The following LAYN variants were observed in gnomAD, a reference collection of about 807,000 sequenced individuals.
LAYN encodes the protein layilin.
Under a neutral mutation model 43.6 loss-of-function variants are expected in LAYN, and 38 were observed. The ratio of observed to expected loss-of-function variants is 0.87; its 90% CI spans 0.67 to 1.14. The LOEUF is 1.14. LAYN is among the 50% of genes most tolerant of loss of function. The pLI, the probability that LAYN is intolerant of heterozygous loss-of-function variation, is 0.00. For missense variants in LAYN, 479 were observed against 463.8 expected (o/e 1.03, Z -0.30); for synonymous variants, 168 against 172.9 (o/e 0.97, Z 0.22).
chr11:111,540,335 G>A (rs1867505302), upstream of LAYN: 1 of 161,922 alleles, frequency 6.2e-6, no homozygotes, highest in Non-Finnish European at 1.3e-5. Flanking sequence ...TGAGCCCCAG[G>A]TAGGAGTCCA....
chr11:111,540,823 G>C lies in LAYN; in HGVS notation c.-21G>C. 1.3e-6 allele frequency: 2 copies of C among 1,519,812 alleles called. No individual in the cohort carries two copies. Among genetic ancestry groups the C allele is most frequent in the South Asian group, 1.2e-5 (1 of 82,498 alleles). The allele number at this position is 1,519,812 out of a possible 1,614,324, so 94.1% of individuals were successfully genotyped here. On this transcript the variant is annotated 5_prime_UTR_variant, in exon 1 of 7. Coordinates refer to ENST00000375614, the MANE Select transcript of LAYN (RefSeq NM_178834.5). ...CACCGCCGTAGCGCCCGAGTGTCGG[G>C]GGGCGCACCCGAGTCGGGCCATGAG... is the stretch of plus-strand genomic sequence containing the variant.
At chr11:111,559,820 C>T (rs1011796995) in intron 6 of LAYN, among the ~76,000 whole-genome samples, 3 of 151,888 alleles carry the variant, frequency 2.0e-5, no homozygotes, top group African/African-American at 7.3e-5. Context: ...CTATTCAGTT[C>T]TATCCCTGGA....
chr11:111,553,592 C>G (rs1314288009), intron 3 of LAYN, among the ~76,000 whole-genome samples: 1 of 149,674 alleles, frequency 6.7e-6, no homozygotes, highest in African/African-American at 2.5e-5. Context: ...GAACTCCAGC[C>G]TGGGTGACAG....
Position 111,549,670 on chromosome 11 carries a change from T to C in LAYN, c.436T>C (p.Tyr146His). The C allele has an allele frequency of 6.2e-7, 1 of 1,603,126 alleles. No homozygotes were observed. Among genetic ancestry groups the C allele is most frequent in the Non-Finnish European group, 8.5e-7 (1 of 1,175,798 alleles). Residue 146 changes from tyrosine to histidine, a missense_variant, in exon 3 of 7, where the codon TAC (tyrosine) becomes CAC (histidine). Physicochemically the swap from Tyr to His is moderately conservative, Grantham distance 83 (BLOSUM62 2). Coordinates refer to ENST00000375614, the MANE Select transcript of LAYN (RefSeq NM_178834.5). ...SCGSEVCVVM[Y>H]HQPSAPAGIG... Reference sequence around the variant, plus strand: ...CGGCAGCGAGGTCTGCGTGGTCATGTACCATCAGCCATCGGCACCCGCTGG... The same window carrying C: ...CGGCAGCGAGGTCTGCGTGGTCATGCACCATCAGCCATCGGCACCCGCTGG...
chr11:111,553,634 A>AG (rs1201463878), intron 3 of LAYN, among the ~76,000 whole-genome samples: 1 of 150,996 alleles, frequency 6.6e-6, no homozygotes, highest in Admixed American at 6.6e-5. Context: ...AAAAAAAAAA[A>AG]ACAACACTTA....
At chr11:111,546,355 C>G (rs1382904685) in intron 2 of LAYN, among the ~76,000 whole-genome samples, 1 of 152,150 alleles carries the variant, frequency 6.6e-6, no homozygotes. Flanking sequence ...ATAATCTAAT[C>G]TCCAATAATT....
At chr11:111,547,494 A>G (rs974348147) in intron 2 of LAYN, among the ~76,000 whole-genome samples, 1 of 152,222 alleles carries the variant, frequency 6.6e-6, no homozygotes, top group Admixed American at 6.5e-5. Context: ...CAAGACCATA[A>G]GTATATACTG....
intron 3 of LAYN, among the ~76,000 whole-genome samples, chr11:111,552,904 A>C (rs949537084): frequency 3.3e-5 from 5 of 152,088 alleles, no homozygotes; most frequent in African/African-American, 1.2e-4. Flanking sequence ...TCTCCTTACT[A>C]TTTTAATTTT....
intron 1 of LAYN, 67 bp downstream of exon 1, chr11:111,540,995 C>A: frequency 6.9e-7 from 1 of 1,445,868 alleles, no homozygotes; most frequent in Non-Finnish European, 9.3e-7. Flanking sequence ...CTGCTGCTGA[C>A]CCTCTTCTGG....
At position 111,540,826 on chromosome 11, in the gene LAYN, G is replaced by A; in HGVS notation, c.-18G>A. The stretch of plus-strand genomic sequence containing the variant: ...CGCCGTAGCGCCCGAGTGTCGGGGG[G>A]CGCACCCGAGTCGGGCCATGAGGCC... On this transcript the variant is annotated 5_prime_UTR_variant, in exon 1 of 7. Transcript: ENST00000375614. 1.3e-6 allele frequency: 2 copies of A among 1,520,700 alleles called. No individual in the cohort carries two copies. The highest frequency in any genetic ancestry group is 1.8e-6 in the Non-Finnish European group (2 of 1,141,148). The allele number at this position is 1,520,700 out of a possible 1,614,324, so 94.2% of individuals were successfully genotyped here.
At chr11:111,552,641 G>A (rs1867764070) in intron 3 of LAYN, among the ~76,000 whole-genome samples, 1 of 152,222 alleles carries the variant, frequency 6.6e-6, no homozygotes, top group Non-Finnish European at 1.5e-5. Flanking sequence ...AGGGATTGAT[G>A]GAAATGCTGC....
intron 3 of LAYN, among the ~76,000 whole-genome samples, chr11:111,552,104 ATAAT>A (rs1420218235): frequency 6.6e-6 from 1 of 152,166 alleles, no homozygotes; most frequent in Non-Finnish European, 1.5e-5. Context: ...AAGAGGGAGA[ATAAT>A]TAAGTAAATG....
rs777961010 is a variant in LAYN at position 111,554,579 on chromosome 11, C to A, written c.560C>A (p.Ser187Tyr). ...KYSDEKPAVP[S>Y]REAEGEETEL... ...ACTACAGAGAAACCAGCAGTTCCTTCTAGAGAAGCTGAAGGTAAGCCTGTT... is the reference window on the plus strand; with the variant it reads ...ACTACAGAGAAACCAGCAGTTCCTTATAGAGAAGCTGAAGGTAAGCCTGTT... The change falls in exon 4 of 7, where the codon TCT becomes TAT. Residue 187 changes from serine (S) to tyrosine (Y), a missense_variant. Coordinates refer to ENST00000375614, the MANE Select transcript of LAYN (RefSeq NM_178834.5). The A allele has an allele frequency of 1.9e-6, 3 of 1,613,054 alleles. No individual in the cohort carries two copies. Among genetic ancestry groups the A allele is most frequent in the Non-Finnish European group, 2.5e-6 (3 of 1,179,584 alleles).
intron 3 of LAYN, chr11:111,551,275 T>C (rs1867739640): frequency 2.2e-6 from 1 of 454,460 alleles, no homozygotes; most frequent in Non-Finnish European, 4.4e-6. Context: ...GAATAAATAC[T>C]GAGACTTCTC....
At chr11:111,559,902 C>A (rs1308174356) in intron 6 of LAYN, among the ~76,000 whole-genome samples, 193 bp from the exon 7 acceptor site, 1 of 152,106 alleles carries the variant, frequency 6.6e-6, no homozygotes, top group Non-Finnish European at 1.5e-5. Context: ...ATGACAGATA[C>A]ACAATCACTT....
intron 2 of LAYN, among the ~76,000 whole-genome samples, chr11:111,547,695 G>A (rs533341300): frequency 6.6e-6 from 1 of 152,252 alleles, no homozygotes; most frequent in South Asian, 2.1e-4. Flanking sequence ...TCACCTTCAG[G>A]ATCTGCCTGG....
intron 2 of LAYN, among the ~76,000 whole-genome samples, chr11:111,545,889 A>C (rs1867640459): frequency 6.6e-6 from 1 of 152,216 alleles, no homozygotes; most frequent in African/African-American, 2.4e-5. Context: ...CATGTAATCA[A>C]CTTGCCACCA....
At chr11:111,548,109 G>T (rs1012509070) in intron 2 of LAYN, among the ~76,000 whole-genome samples, 7 of 152,198 alleles carry the variant, frequency 4.6e-5, no homozygotes, top group African/African-American at 1.7e-4. Context: ...TCCCCAGTAT[G>T]CTCCCATTCT....
At chr11:111,549,032 A>G (rs1310070712) in intron 2 of LAYN, among the ~76,000 whole-genome samples, 1 of 152,256 alleles carries the variant, frequency 6.6e-6, no homozygotes, top group Non-Finnish European at 1.5e-5. Context: ...CAGCCTTATC[A>G]AGTGGAAACA....
Sources: gnomAD v4.1 joint callset for allele counts (sites outside exome capture counted in the v4.1 genomes callset) on GRCh38, gnomAD v4.1.1 for gene constraint, MANE v1.5 for transcripts, NCBI Gene and HGNC (gene_info 2026-07-23, HGNC 2026-07-21) for gene names.